The following OR9Q1 variants were observed in gnomAD, a reference collection of about 807,000 sequenced individuals.
OR9Q1 encodes olfactory receptor 9Q1.
For synonymous variants in OR9Q1, 153 were observed against 148.6 expected (o/e 1.03, Z -0.22); for missense variants, 374 against 378.8 (o/e 0.99, Z 0.11).
intron 1 of OR9Q1, chr11:58,031,234 G>C: frequency 6.2e-7 from 1 of 1,614,190 alleles, no homozygotes; most frequent in Non-Finnish European, 8.5e-7. Context: ...ATGGTGGCAA[G>C]AATATCTCTT....
chr11:58,067,639 A>G (rs1590569012), intron 2 of OR9Q1, among the ~76,000 whole-genome samples: 1 of 152,218 alleles, frequency 6.6e-6, no homozygotes, highest in East Asian at 1.9e-4. Flanking sequence ...GGATTGTAAC[A>G]GTGGTACAGT....
At chr11:58,098,006 A>C (rs1416678107) in intron 2 of OR9Q1, among the ~76,000 whole-genome samples, 1 of 152,204 alleles carries the variant, frequency 6.6e-6, no homozygotes, top group Non-Finnish European at 1.5e-5. Flanking sequence ...AGTGATGGAT[A>C]TGTCCTTTAT....
chr11:58,152,080 A>C (rs1332729917), intron 2 of OR9Q1, among the ~76,000 whole-genome samples: 1 of 152,132 alleles, frequency 6.6e-6, no homozygotes, highest in African/African-American at 2.4e-5. Flanking sequence ...TGAGTTCCAG[A>C]AATTACAGAT....
At chr11:58,065,095 C>T (rs1192198047) in intron 2 of OR9Q1, among the ~76,000 whole-genome samples, 2 of 152,108 alleles carry the variant, frequency 1.3e-5, no homozygotes, top group Non-Finnish European at 2.9e-5. Context: ...GCTCTACAAA[C>T]TCAGGCAGAC....
chr11:58,088,700 T>C (rs1322616125), intron 2 of OR9Q1, among the ~76,000 whole-genome samples: 1 of 151,876 alleles, frequency 6.6e-6, no homozygotes, highest in East Asian at 1.9e-4. Context: ...TTTGTTTATG[T>C]TCCTTGTGGA....
chr11:58,119,322 C>T (rs938165792), intron 2 of OR9Q1: 3 of 1,613,690 alleles, frequency 1.9e-6, no homozygotes, highest in Non-Finnish European at 2.5e-6. Context: ...TCCCCACATT[C>T]CCAAGAAGGG....
intron 2 of OR9Q1, among the ~76,000 whole-genome samples, chr11:58,147,926 T>G (rs1854314426): frequency 6.6e-6 from 1 of 152,198 alleles, no homozygotes; most frequent in South Asian, 2.1e-4. Flanking sequence ...TCAGGAATTC[T>G]GGCATTGTTT....
intron 2 of OR9Q1, among the ~76,000 whole-genome samples, chr11:58,164,692 G>A (rs750789950): frequency 1.3e-5 from 2 of 152,196 alleles, no homozygotes; most frequent in Non-Finnish European, 2.9e-5. Context: ...TCTCTCGGTA[G>A]TCCAACACTA....
At chr11:58,067,517 T>C (rs1311774032) in intron 2 of OR9Q1, among the ~76,000 whole-genome samples, 2 of 152,128 alleles carry the variant, frequency 1.3e-5, no homozygotes, top group Non-Finnish European at 2.9e-5. Context: ...ACAGTGTGGA[T>C]TGAAATAATG....
chr11:58,149,116 G>A (rs1854326609), intron 2 of OR9Q1, among the ~76,000 whole-genome samples: 1 of 152,138 alleles, frequency 6.6e-6, no homozygotes, highest in South Asian at 2.1e-4. Context: ...TTTTGATCTT[G>A]TAATAGAATG....
At chr11:58,088,611 A>G (rs1853655440) in intron 2 of OR9Q1, among the ~76,000 whole-genome samples, 2 of 151,900 alleles carry the variant, frequency 1.3e-5, no homozygotes, top group South Asian at 4.1e-4. Context: ...TTGGCCGCAT[A>G]AGTGTCTTCT....
At chr11:58,087,113 A>T (rs1383655019) in intron 2 of OR9Q1, among the ~76,000 whole-genome samples, 1 of 151,860 alleles carries the variant, frequency 6.6e-6, no homozygotes, top group Non-Finnish European at 1.5e-5. Context: ...CTCCAGAAAT[A>T]TATAATATAT....
intron 2 of OR9Q1, among the ~76,000 whole-genome samples, chr11:58,088,163 A>G (rs1283279423): frequency 6.6e-6 from 1 of 151,800 alleles, no homozygotes; most frequent in African/African-American, 2.4e-5. Flanking sequence ...ATTCTTTTTG[A>G]TGGCTGCATA....
chr11:58,028,861 T>C (rs1689633170), intron 1 of OR9Q1, among the ~76,000 whole-genome samples: 1 of 152,206 alleles, frequency 6.6e-6, no homozygotes, highest in South Asian at 2.1e-4. Context: ...CATGCTTTCA[T>C]TGCCAGGAAT....
chr11:58,091,744 A>G (rs983207748), intron 2 of OR9Q1, among the ~76,000 whole-genome samples: 4 of 152,130 alleles, frequency 2.6e-5, no homozygotes, highest in African/African-American at 9.7e-5. Flanking sequence ...GTGAGGTGTT[A>G]AAGTTTCCCA....
chr11:58,030,871 C>T, intron 1 of OR9Q1: 2 of 838,412 alleles, frequency 2.4e-6, no homozygotes, highest in Admixed American at 4.3e-5. Context: ...CATTTTAGTA[C>T]AACATCCTCC....
chr11:58,025,330 G>A (rs1307496373), intron 1 of OR9Q1, among the ~76,000 whole-genome samples: 1 of 152,092 alleles, frequency 6.6e-6, no homozygotes, highest in Admixed American at 6.5e-5. Flanking sequence ...TGCTACTATA[G>A]GGTGTGTCCT....
intron 2 of OR9Q1, chr11:58,119,490 AG>A (rs768698996): frequency 8.2e-7 from 1 of 1,224,016 alleles, no homozygotes; most frequent in Admixed American, 2.2e-5. Flanking sequence ...TGAAATAAAA[AG>A]AATCTCAGAA....
chr11:58,180,133 C>T lies in OR9Q1; in HGVS notation c.689C>T (p.Ala230Val). ...ATCGTGGCCATCATGGGGATCCCTG[C>T]TGGAAGCCAGGCCAAGACCTTCTCC... The part of the protein sequence containing the change: ...FIIVAIMGIP[A>V]GSQAKTFSTC... Residue 230 changes from alanine to valine, a missense_variant, in exon 3 of 3, where the codon GCT (alanine) becomes GTT (valine). Ala to Val is a moderately conservative substitution (Grantham distance 64, BLOSUM62 0). Transcript: ENST00000335397. 1.2e-6 allele frequency: 2 copies of T among 1,614,092 alleles called. No homozygotes were observed. Among genetic ancestry groups the T allele is most frequent in the Non-Finnish European group, 1.7e-6 (2 of 1,179,986 alleles).
Sources: gnomAD v4.1 joint callset for allele counts (sites outside exome capture counted in the v4.1 genomes callset) on GRCh38, gnomAD v4.1.1 for gene constraint, MANE v1.5 for transcripts, NCBI Gene and HGNC (gene_info 2026-07-23, HGNC 2026-07-21) for gene names.